PRKG1: variants seen among roughly 807,000 people sequenced by gnomAD.
PRKG1 encodes the protein cGMP-dependent protein kinase 1.
Under a neutral mutation model 88.1 loss-of-function variants are expected in PRKG1, and 35 were observed. That is an observed-to-expected ratio of 0.40 (90% CI 0.30 to 0.53). PRKG1 has a LOEUF of 0.53. PRKG1 is among the 20% of genes least tolerant of loss of function. The probability of loss-of-function intolerance (pLI) is 0.59; values close to 1 mark genes in which losing one functional copy is unlikely to be tolerated. For missense variants in PRKG1, 540 were observed against 839.8 expected (o/e 0.64, Z 4.41); for synonymous variants, 303 against 292.5 (o/e 1.04, Z -0.37).
intron 2 of PRKG1, among the ~76,000 whole-genome samples, chr10:51,429,944 GA>G (rs1000388804): frequency 1.3e-5 from 2 of 151,650 alleles, no homozygotes; most frequent in South Asian, 4.2e-4. Flanking sequence ...AAAGGGGTAA[GA>G]AAAAAAGTTT....
chr10:51,812,385 C>T (rs992682513), intron 4 of PRKG1, among the ~76,000 whole-genome samples: 1 of 152,150 alleles, frequency 6.6e-6, no homozygotes, highest in African/African-American at 2.4e-5. Flanking sequence ...ACTTTTGAAA[C>T]ACTGGTTGTG....
chr10:51,324,950 C>T (rs1284579407), intron 2 of PRKG1, among the ~76,000 whole-genome samples: 6 of 152,132 alleles, frequency 3.9e-5, no homozygotes, highest in African/African-American at 1.2e-4. Context: ...TTTGAGGAAT[C>T]GCCATAATGT....
intron 4 of PRKG1, among the ~76,000 whole-genome samples, chr10:51,906,767 T>C (rs75486003): frequency 0.056 from 8,474 of 152,214 alleles, 290 homozygotes; most frequent in Middle Eastern, 0.1. Context: ...CAAAGGGGAT[T>C]CTGTATAGAA....
chr10:52,051,698 C>A (rs1845990451), intron 5 of PRKG1, among the ~76,000 whole-genome samples: 1 of 152,352 alleles, frequency 6.6e-6, no homozygotes, highest in African/African-American at 2.4e-5. Flanking sequence ...CCTGCCCTGT[C>A]ACAGAAGCTC....
intron 4 of PRKG1, among the ~76,000 whole-genome samples, chr10:51,891,304 T>C (rs1235273942): frequency 6.6e-6 from 1 of 152,098 alleles, no homozygotes; most frequent in Non-Finnish European, 1.5e-5. Context: ...CTCTACAGAG[T>C]GACCTTGGAA....
chr10:51,920,517 G>A (rs541872010), intron 5 of PRKG1, among the ~76,000 whole-genome samples: 5 of 151,996 alleles, frequency 3.3e-5, no homozygotes, highest in Non-Finnish European at 5.9e-5. Context: ...GTTTAGTTTC[G>A]TGTCTACAGA....
chr10:51,221,934 G>A (rs939717545), intron 2 of PRKG1, among the ~76,000 whole-genome samples: 4 of 146,848 alleles, frequency 2.7e-5, no homozygotes, highest in Non-Finnish European at 3.0e-5. Context: ...GAGTACAATG[G>A]CACCATCTTG....
chr10:52,016,127 A>C (rs1845034170), intron 5 of PRKG1, among the ~76,000 whole-genome samples: 1 of 152,104 alleles, frequency 6.6e-6, no homozygotes, highest in East Asian at 1.9e-4. Context: ...GCAGTACCCT[A>C]CTCTGTCAGT....
At chr10:51,125,794 A>C (rs1021786010) in intron 1 of PRKG1, among the ~76,000 whole-genome samples, 1 of 144,248 alleles carries the variant, frequency 6.9e-6, no homozygotes, top group Non-Finnish European at 1.5e-5. Context: ...ATAAATATAT[A>C]AATTATATAA....
rs529904706 is a variant in PRKG1, at chr10:51,004,749, GA to G, written c.266+13115del. ...GTGTGCCTGTGTGTGTGTTTAAGCT[GA>G]AAAAAAAAATTAATTGCTACAGTGT... On this transcript the variant is annotated intron_variant, in intron 1 of 17. Coordinates refer to the PRKG1 transcript ENST00000401604. Among the ~76,000 whole-genome samples, 954 of 148,006 alleles carry G rather than the reference GA, an allele frequency of 6.4e-3. 5 individuals are homozygous for G. The highest frequency in any genetic ancestry group is 0.012 in the African/African-American group (497 of 40,496).
At chr10:51,071,097 A>G (rs959054139), upstream of PRKG1, among the ~76,000 whole-genome samples, 8 of 152,214 alleles carry the variant, frequency 5.3e-5, no homozygotes, top group Non-Finnish European at 7.3e-5. Flanking sequence ...AATTTAGCCA[A>G]TTAAGTTTAC....
intron 5 of PRKG1, among the ~76,000 whole-genome samples, chr10:52,016,914 C>T (rs1335826751): frequency 6.6e-6 from 1 of 152,062 alleles, no homozygotes; most frequent in African/African-American, 2.4e-5. Context: ...GGCGGTCAGT[C>T]CTTCCTAAAG....
chr10:51,594,310 G>A (rs149807439), intron 3 of PRKG1, among the ~76,000 whole-genome samples: 1 of 152,268 alleles, frequency 6.6e-6, no homozygotes, highest in African/African-American at 2.4e-5. Flanking sequence ...TTACAGAATT[G>A]AGCCACCATG....
intron 3 of PRKG1, among the ~76,000 whole-genome samples, chr10:51,481,452 T>A (rs1840356291): frequency 6.6e-6 from 1 of 152,156 alleles, no homozygotes; most frequent in East Asian, 1.9e-4. Context: ...TTTCGCCATG[T>A]TGGCCAGGCT....
At chr10:51,628,144 CTTT>C (rs1564580111) in intron 3 of PRKG1, among the ~76,000 whole-genome samples, 1 of 87,564 alleles carries the variant, frequency 1.1e-5, no homozygotes, top group East Asian at 2.9e-4. Flanking sequence ...TTCTTTCTTT[CTTT>C]CTTTCTTTCT....
intron 2 of PRKG1, among the ~76,000 whole-genome samples, chr10:51,191,802 G>T (rs531634839): frequency 2.6e-5 from 4 of 151,746 alleles, no homozygotes; most frequent in Non-Finnish European, 5.9e-5. Context: ...ATCTTATAAA[G>T]AAGATTGCTT....
At chr10:52,028,495 C>A (rs1420121816) in intron 5 of PRKG1, among the ~76,000 whole-genome samples, 2 of 152,188 alleles carry the variant, frequency 1.3e-5, no homozygotes, top group Admixed American at 6.5e-5. Context: ...TTATTATCAT[C>A]TCCACTTCAG....
At chr10:52,180,626 T>C (rs746471428) in intron 9 of PRKG1, among the ~76,000 whole-genome samples, 46 of 152,082 alleles carry the variant, frequency 3.0e-4, no homozygotes, top group Non-Finnish European at 1.6e-4. Context: ...AGTCTCCGTG[T>C]AGTTTCTTCA....
At chr10:51,136,574 AGT>A (rs1223705035) in intron 1 of PRKG1, among the ~76,000 whole-genome samples, 14 of 78,088 alleles carry the variant, frequency 1.8e-4, no homozygotes, top group Non-Finnish European at 9.6e-5. Context: ...TAGAGTTTTT[AGT>A]GTGTGTGTGG....
Sources: allele counts gnomAD v4.1 joint callset (sites outside exome capture counted in the v4.1 genomes callset), GRCh38; gene constraint gnomAD v4.1.1; transcripts MANE v1.5; gene names NCBI Gene and HGNC (gene_info 2026-07-23, HGNC 2026-07-21).